PACRG: variants seen among roughly 807,000 people sequenced by gnomAD.
PACRG encodes the protein parkin coregulated.
In PACRG, 29 loss-of-function variants were observed where a neutral mutation model predicts 29.7. The ratio of observed to expected loss-of-function variants is 0.98; its 90% CI spans 0.73 to 1.33. The LOEUF is 1.33. Among genes scored for constraint, PACRG ranks in the 40% most tolerant of loss-of-function variants. The pLI, the probability that PACRG is intolerant of heterozygous loss-of-function variation, is 0.00. For synonymous variants in PACRG, 116 were observed against 118.7 expected, an observed-to-expected ratio of 0.98 and a Z score of 0.15; for missense variants, 279 against 316.2, an observed-to-expected ratio of 0.88 and a Z score of 0.89.
intron 2 of PACRG, among the ~76,000 whole-genome samples, chr6:163,036,697 G>A (rs184386468): frequency 6.6e-6 from 1 of 152,328 alleles, no homozygotes; most frequent in African/African-American, 2.4e-5. Flanking sequence ...CTAAAGCCAG[G>A]AGGTCTGAAA....
chr6:163,306,199 A>G (rs1288892072), intron 4 of PACRG, among the ~76,000 whole-genome samples: 1 of 152,212 alleles, frequency 6.6e-6, no homozygotes, highest in Non-Finnish European at 1.5e-5. Flanking sequence ...TATTGTTGTT[A>G]TTATTACTCC....
At chr6:163,182,760 G>A (rs1779732234) in intron 4 of PACRG, 1 of 152,140 alleles carries the variant, frequency 6.6e-6, no homozygotes. Context: ...TATAGACAAG[G>A]AAATGGAAAC....
chr6:163,159,735 G>A (rs536077043), intron 4 of PACRG, among the ~76,000 whole-genome samples: 1 of 152,084 alleles, frequency 6.6e-6, no homozygotes, highest in South Asian at 2.1e-4. Flanking sequence ...GTGTTCTCTC[G>A]GTCATTTCAG....
chr6:162,732,879 A>G (rs1358108092), intron 1 of PACRG, among the ~76,000 whole-genome samples: 1 of 152,216 alleles, frequency 6.6e-6, no homozygotes, highest in Non-Finnish European at 1.5e-5. Context: ...CAGGGCCAGC[A>G]AGGTCTTGTG....
intron 3 of PACRG, among the ~76,000 whole-genome samples, chr6:163,071,319 A>C (rs980932789): frequency 1.3e-5 from 2 of 152,144 alleles, no homozygotes; most frequent in Non-Finnish European, 2.9e-5. Context: ...AAAACATTCA[A>C]AAAAATTCAA....
At chr6:163,101,065 G>C in intron 4 of PACRG, 1 of 982,172 alleles carries the variant, frequency 1.0e-6, no homozygotes, top group Admixed American at 6.2e-5. Context: ...TATTCATTTT[G>C]AGGCGGTCAT....
intron 4 of PACRG, among the ~76,000 whole-genome samples, chr6:163,283,843 G>A (rs949494190): frequency 9.9e-5 from 15 of 151,908 alleles, no homozygotes; most frequent in Non-Finnish European, 1.3e-4. Flanking sequence ...GCCAGATGCG[G>A]TGGCTCACAC....
chr6:163,194,937 C>A (rs1030671354), intron 4 of PACRG, among the ~76,000 whole-genome samples: 1 of 152,124 alleles, frequency 6.6e-6, no homozygotes, highest in African/African-American at 2.4e-5. Flanking sequence ...ACTTTGCAGG[C>A]ATCAGATATT....
intron 2 of PACRG, among the ~76,000 whole-genome samples, chr6:163,005,905 G>T (rs868638297): frequency 8.2e-5 from 12 of 145,804 alleles, no homozygotes; most frequent in Admixed American, 2.8e-4. Context: ...AGTTATACGT[G>T]TTATATATAT....
intron 2 of PACRG, among the ~76,000 whole-genome samples, chr6:162,824,377 G>A (rs564037606): frequency 6.6e-6 from 1 of 152,240 alleles, no homozygotes; most frequent in East Asian, 1.9e-4. Context: ...CCTACCTTTG[G>A]ATTGGTGCCT....
intron 4 of PACRG, among the ~76,000 whole-genome samples, chr6:163,300,242 G>A (rs993822945): frequency 1.3e-5 from 2 of 152,172 alleles, no homozygotes; most frequent in South Asian, 2.1e-4. Flanking sequence ...CAGTTTACTC[G>A]GCGCTCTCAG....
At chr6:163,089,044 G>T (rs1167977977) in intron 3 of PACRG, among the ~76,000 whole-genome samples, 2 of 152,148 alleles carry the variant, frequency 1.3e-5, no homozygotes, top group Non-Finnish European at 2.9e-5. Context: ...TGAGAAATCA[G>T]TGCCAATGGG....
intron 2 of PACRG, among the ~76,000 whole-genome samples, chr6:162,819,267 G>A (rs1297140284): frequency 6.6e-6 from 1 of 152,034 alleles, no homozygotes; most frequent in Non-Finnish European, 1.5e-5. Context: ...TCTCACCATG[G>A]AGGCAAATTT....
chr6:162,998,069 T>C (rs969869435), intron 2 of PACRG, among the ~76,000 whole-genome samples: 8 of 152,186 alleles, frequency 5.3e-5, no homozygotes, highest in African/African-American at 1.9e-4. Context: ...CCGTAAAGAA[T>C]TGTGAAGATG....
At chr6:162,787,187 A>G (rs887911455) in intron 1 of PACRG, among the ~76,000 whole-genome samples, 1 of 152,078 alleles carries the variant, frequency 6.6e-6, no homozygotes, top group Non-Finnish European at 1.5e-5. Flanking sequence ...AGAGCTACCA[A>G]TTTTATTAGG....
At chr6:162,794,235 T>C (rs1389319762) in intron 1 of PACRG, among the ~76,000 whole-genome samples, 2 of 152,178 alleles carry the variant, frequency 1.3e-5, no homozygotes, top group Non-Finnish European at 2.9e-5. Context: ...TTTTAATTTG[T>C]TTTATTGGCT....
chr6:163,166,223 C>T (rs1026474221), intron 4 of PACRG: 2 of 456,152 alleles, frequency 4.4e-6, no homozygotes, highest in African/African-American at 4.0e-5. Flanking sequence ...GTCTTCTCTC[C>T]CTGCTCTCCT....
intron 2 of PACRG, among the ~76,000 whole-genome samples, chr6:162,989,059 G>A (rs112521232): frequency 6.6e-6 from 1 of 152,148 alleles, no homozygotes; most frequent in African/African-American, 2.4e-5. Flanking sequence ...GACACGTCCA[G>A]TGCTACTACT....
At chr6:162,791,099 A>G (rs1242064405) in intron 1 of PACRG, among the ~76,000 whole-genome samples, 2 of 152,314 alleles carry the variant, frequency 1.3e-5, no homozygotes, top group Non-Finnish European at 2.9e-5. Context: ...GTTGCTTTCA[A>G]TTTATGTATG....
Sources: gnomAD v4.1 joint callset for allele counts (sites outside exome capture counted in the v4.1 genomes callset) on GRCh38, gnomAD v4.1.1 for gene constraint, MANE v1.5 for transcripts, NCBI Gene and HGNC (gene_info 2026-07-23, HGNC 2026-07-21) for gene names.